SPACA7: variants seen among roughly 807,000 people sequenced by gnomAD.
SPACA7 encodes the protein sperm acrosome-associated protein 7.
SPACA7 carries 19 observed loss-of-function variants against 26.3 expected under a neutral mutation model. That is an observed-to-expected ratio of 0.72 (90% CI 0.50 to 1.06). The LOEUF (loss-of-function observed/expected upper bound fraction) is 1.06, where lower values mean the gene tolerates loss of function less well. SPACA7 is among the 50% of genes least tolerant of loss of function. SPACA7 has a pLI of 0.00. For missense variants in SPACA7, 211 were observed against 229.9 expected, an observed-to-expected ratio of 0.92 and a Z score of 0.53; for synonymous variants, 84 against 84.5, an observed-to-expected ratio of 0.99 and a Z score of 0.04.
intron 5 of SPACA7, among the ~76,000 whole-genome samples, chr13:112,417,968 T>A (rs762174026): frequency 6.6e-6 from 1 of 152,212 alleles, no homozygotes; most frequent in Non-Finnish European, 1.5e-5. Context: ...TTTTGTGTAA[T>A]CTTATTTTTC....
At chr13:112,385,384 A>C (rs1194238180) in intron 1 of SPACA7, among the ~76,000 whole-genome samples, 1 of 152,212 alleles carries the variant, frequency 6.6e-6, no homozygotes, top group Non-Finnish European at 1.5e-5. Context: ...TCTTAATTTT[A>C]TGTTATAATG....
chr13:112,392,130 C>G (rs1007999485), intron 1 of SPACA7, among the ~76,000 whole-genome samples: 5 of 152,320 alleles, frequency 3.3e-5, no homozygotes, highest in African/African-American at 9.6e-5. Flanking sequence ...GAGGAAGAAG[C>G]TGACCTTGAC....
At chr13:112,377,581 A>T (rs1378194037) in intron 1 of SPACA7, among the ~76,000 whole-genome samples, 1 of 152,200 alleles carries the variant, frequency 6.6e-6, no homozygotes, top group African/African-American at 2.4e-5. Context: ...ATCAAGGGTG[A>T]CCAGGCCAAG....
At chr13:112,424,271 T>A (rs1053704473) in intron 5 of SPACA7, among the ~76,000 whole-genome samples, 1 of 152,182 alleles carries the variant, frequency 6.6e-6, no homozygotes, top group African/African-American at 2.4e-5. Flanking sequence ...GTTGGGAGCA[T>A]GAAGATTCCC....
At chr13:112,419,901 G>C (rs1169595513) in intron 5 of SPACA7, among the ~76,000 whole-genome samples, 1 of 152,218 alleles carries the variant, frequency 6.6e-6, no homozygotes, top group Non-Finnish European at 1.5e-5. Flanking sequence ...CAGGTGTTCA[G>C]GGAAGGCTGA....
chr13:112,430,136 T>G (rs1013396286), intron 5 of SPACA7, among the ~76,000 whole-genome samples: 1 of 151,264 alleles, frequency 6.6e-6, no homozygotes, highest in African/African-American at 2.4e-5. Context: ...TGGCCAGTAA[T>G]CAGCTGAAGG....
Position 112,419,942 on chromosome 13 carries a change from G to C in SPACA7, c.446-12502G>C, listed in dbSNP as rs149870222. 1.4e-4 allele frequency among the ~76,000 whole-genome samples: 22 copies of C among 152,316 alleles called. No individual in the cohort carries two copies. The East Asian group carries it at 4.2e-3, about 29-fold the overall frequency. Reference sequence around the variant, plus strand: ...AAAGGGAAATAGAAACACTACGAAAGTCTCTGGCCCCCTAGCTCATACTGT... The same window carrying C: ...AAAGGGAAATAGAAACACTACGAAACTCTCTGGCCCCCTAGCTCATACTGT... On this transcript the variant is annotated intron_variant, in intron 5 of 6. Transcript: ENST00000283550.
At chr13:112,412,461 T>C (rs1330875931) in intron 5 of SPACA7, among the ~76,000 whole-genome samples, 1 of 152,108 alleles carries the variant, frequency 6.6e-6, no homozygotes, top group Non-Finnish European at 1.5e-5. Context: ...TAGCTTGATA[T>C]AATCCTAATT....
chr13:112,382,916 G>C (rs938843662), intron 1 of SPACA7, among the ~76,000 whole-genome samples: 1 of 151,844 alleles, frequency 6.6e-6, no homozygotes, highest in African/African-American at 2.4e-5. Context: ...TTGAACCTGG[G>C]AGGCAGCAGT....
At chr13:112,419,878 C>T (rs1273587569) in intron 5 of SPACA7, among the ~76,000 whole-genome samples, 2 of 152,168 alleles carry the variant, frequency 1.3e-5, no homozygotes, top group Non-Finnish European at 2.9e-5. Context: ...AGAAAGAAAC[C>T]CGCTCTGCCG....
chr13:112,430,633 C>T (rs1877019199), intron 5 of SPACA7, among the ~76,000 whole-genome samples: 1 of 152,170 alleles, frequency 6.6e-6, no homozygotes, highest in African/African-American at 2.4e-5. Context: ...TCTCCCAGCT[C>T]AGCCGCATAC....
chr13:112,401,070 A>C lies in SPACA7; in HGVS notation c.351A>C (p.Glu117Asp). The change falls in exon 5 of 7, where the codon GAA becomes GAC. Residue 117 changes from glutamate (E) to aspartate (D), a missense_variant and splice_region_variant. Physicochemically the swap from Glu to Asp is conservative, Grantham distance 45 (BLOSUM62 2). Coordinates refer to ENST00000283550, the MANE Select transcript of SPACA7 (RefSeq NM_145248.5). ...PGIEVKISND[E>D]ANANANLHGD... ...TTTTTTCCATATTTGTCATTAAAGA[A>C]GCCAATGCTAATGCAAATCTCCATG... The C allele has an allele frequency of 6.2e-7, 1 of 1,613,306 alleles. No homozygotes were observed. The highest frequency in any genetic ancestry group is 8.5e-7 in the Non-Finnish European group (1 of 1,179,240).
In SPACA7 at chr13:112,432,226, G is replaced by A. The variant is rs149891055; in HGVS notation, c.446-218G>A. On this transcript the variant is annotated intron_variant, in intron 5 of 6. Coordinates refer to ENST00000283550, the MANE Select transcript of SPACA7 (RefSeq NM_145248.5). ...GATGTAGGACTCCACGCATTGCTTC[G>A]GCACCAAGCCACACTTTCTGGGGCT... is the stretch of plus-strand genomic sequence containing the variant. Among the ~76,000 whole-genome samples, 37 of 152,318 alleles carry A rather than the reference G, an allele frequency of 2.4e-4. No homozygotes were observed. The East Asian group carries it at 4.8e-3, about 20-fold the overall frequency.
At chr13:112,403,184 TA>T (rs1389906319) in intron 5 of SPACA7, among the ~76,000 whole-genome samples, 1 of 152,140 alleles carries the variant, frequency 6.6e-6, no homozygotes, top group Non-Finnish European at 1.5e-5. Context: ...TCAGGTTTCT[TA>T]ATCAATGGGG....
chr13:112,415,572 C>T (rs1301732501), intron 5 of SPACA7, among the ~76,000 whole-genome samples: 1 of 152,040 alleles, frequency 6.6e-6, no homozygotes, highest in African/African-American at 2.4e-5. Context: ...GGCCCCTGTA[C>T]TCTTTTCTCT....
chr13:112,416,963 A>T (rs1202214574), intron 5 of SPACA7, among the ~76,000 whole-genome samples: 1 of 152,070 alleles, frequency 6.6e-6, no homozygotes, highest in Non-Finnish European at 1.5e-5. Context: ...TGTATGTTTA[A>T]GTTGATGTTT....
chr13:112,409,707 A>C (rs1022279410), intron 5 of SPACA7, among the ~76,000 whole-genome samples: 39 of 152,250 alleles, frequency 2.6e-4, no homozygotes, highest in African/African-American at 8.2e-4. Flanking sequence ...ATTAAAAAGT[A>C]AGGAAACAAC....
At chr13:112,381,140 T>C (rs1884033433) in intron 1 of SPACA7, among the ~76,000 whole-genome samples, 1 of 152,228 alleles carries the variant, frequency 6.6e-6, no homozygotes, top group Admixed American at 6.5e-5. Context: ...TTTACTTAAC[T>C]GATCATGACG....
chr13:112,416,657 T>C (rs557083755), intron 5 of SPACA7, among the ~76,000 whole-genome samples: 1 of 152,356 alleles, frequency 6.6e-6, no homozygotes, highest in East Asian at 1.9e-4. Context: ...GGCATCAACA[T>C]CAATGAGTTT....
Sources: gnomAD v4.1 joint callset for allele counts (sites outside exome capture counted in the v4.1 genomes callset) on GRCh38, gnomAD v4.1.1 for gene constraint, MANE v1.5 for transcripts, NCBI Gene and HGNC (gene_info 2026-07-23, HGNC 2026-07-21) for gene names.